FHIT: variants seen among roughly 807,000 people sequenced by gnomAD.
FHIT encodes bis(5'-adenosyl)-triphosphatase.
A neutral mutation model predicts 17.9 loss-of-function variants in FHIT; 19 were observed. The observed-to-expected ratio is 1.06, with a 90% CI of 0.74 to 1.56. The LOEUF is 1.56. Ranked by LOEUF, FHIT falls within the 40% of genes most tolerant of loss-of-function variation. The probability of loss-of-function intolerance (pLI) is 0.00; values close to 1 mark genes in which losing one functional copy is unlikely to be tolerated. For synonymous variants in FHIT, 81 were observed against 69.7 expected, an observed-to-expected ratio of 1.16 and a Z score of -0.81; for missense variants, 248 against 189.2, an observed-to-expected ratio of 1.31 and a Z score of -1.82.
chr3:61,114,325 G>A (rs1385259205), intron 2 of FHIT, among the ~76,000 whole-genome samples: 1 of 152,110 alleles, frequency 6.6e-6, no homozygotes, highest in Non-Finnish European at 1.5e-5. Context: ...CTGTTGTCTA[G>A]CATATAAAAA....
chr3:59,923,029 G>A (rs966016775), intron 7 of FHIT, among the ~76,000 whole-genome samples: 10 of 151,910 alleles, frequency 6.6e-5, no homozygotes, highest in African/African-American at 2.4e-4. Context: ...GGAGGCCGAG[G>A]TGGGCGGATC....
chr3:60,084,705 G>T (rs1344741117), intron 5 of FHIT, among the ~76,000 whole-genome samples: 1 of 152,124 alleles, frequency 6.6e-6, no homozygotes. Context: ...TAGGTGTTTG[G>T]TTCCTACCAT....
intron 4 of FHIT, among the ~76,000 whole-genome samples, chr3:60,765,255 G>A (rs73103570): frequency 0.037 from 5,596 of 152,272 alleles, 129 homozygotes; most frequent in South Asian, 0.066. Flanking sequence ...GAAATCTCAA[G>A]TGTCTTTCTA....
intron 5 of FHIT, among the ~76,000 whole-genome samples, chr3:60,382,445 C>T (rs367596997): frequency 9.2e-5 from 14 of 152,300 alleles, no homozygotes; most frequent in African/African-American, 2.6e-4. Flanking sequence ...GAATACGATC[C>T]GTAATCACAA....
At chr3:61,116,910 A>C (rs2036315188) in intron 2 of FHIT, among the ~76,000 whole-genome samples, 1 of 152,220 alleles carries the variant, frequency 6.6e-6, no homozygotes, top group South Asian at 2.1e-4. Context: ...ACTGAAAAAT[A>C]TCAGTGTGCA....
chr3:59,988,154 T>A (rs188427429), intron 7 of FHIT, among the ~76,000 whole-genome samples: 4 of 152,228 alleles, frequency 2.6e-5, no homozygotes, highest in Non-Finnish European at 5.9e-5. Context: ...TGAGAAATTC[T>A]CAGGCAGCCT....
chr3:60,357,823 A>T (rs1376536118), intron 5 of FHIT, among the ~76,000 whole-genome samples: 1 of 151,848 alleles, frequency 6.6e-6, no homozygotes, highest in East Asian at 1.9e-4. Context: ...TGGCCATCAT[A>T]GTCTTTGCAT....
intron 8 of FHIT, among the ~76,000 whole-genome samples, chr3:59,807,910 CTG>C (rs1194504405): frequency 6.6e-6 from 1 of 152,208 alleles, no homozygotes; most frequent in Non-Finnish European, 1.5e-5. Flanking sequence ...ATTTATATGT[CTG>C]TGGTGAAACA....
chr3:59,974,180 T>G (rs1708307958), intron 7 of FHIT, among the ~76,000 whole-genome samples: 1 of 152,088 alleles, frequency 6.6e-6, no homozygotes, highest in Non-Finnish European at 1.5e-5. Flanking sequence ...GCCTGTCTAT[T>G]AGGCCAAGTT....
chr3:61,162,843 A>G (rs1220224854), intron 2 of FHIT, among the ~76,000 whole-genome samples: 1 of 152,184 alleles, frequency 6.6e-6, no homozygotes, highest in Admixed American at 6.5e-5. Flanking sequence ...TCCATTTGTA[A>G]CATTCTTTTC....
At chr3:60,356,957 T>G (rs974029933) in intron 5 of FHIT, among the ~76,000 whole-genome samples, 1 of 152,096 alleles carries the variant, frequency 6.6e-6, no homozygotes, top group Non-Finnish European at 1.5e-5. Context: ...AAACAACTAG[T>G]GAAATCAGCA....
intron 5 of FHIT, among the ~76,000 whole-genome samples, chr3:60,457,677 A>G (rs2032193413): frequency 6.6e-6 from 1 of 151,552 alleles, no homozygotes. Context: ...TTTGCAATCT[A>G]CTCATCTGAC....
chr3:60,733,242 C>G (rs184047773), intron 4 of FHIT, among the ~76,000 whole-genome samples: 1 of 152,194 alleles, frequency 6.6e-6, no homozygotes, highest in East Asian at 1.9e-4. Flanking sequence ...CCATTTCTTG[C>G]CAACTAGGAA....
intron 3 of FHIT, among the ~76,000 whole-genome samples, chr3:60,947,367 G>A (rs7634868): frequency 0.25 from 38,071 of 151,894 alleles, 4,903 homozygotes; most frequent in Middle Eastern, 0.32. Flanking sequence ...TATGACTATC[G>A]CGTGTTTTCT....
chr3:60,895,626 T>G (rs1332526259), intron 3 of FHIT, among the ~76,000 whole-genome samples: 1 of 151,956 alleles, frequency 6.6e-6, no homozygotes, highest in East Asian at 1.9e-4. Flanking sequence ...ACAGCTGCCC[T>G]TTCTCCCTTC....
chr3:61,026,208 T>C (rs1157699848), intron 3 of FHIT, among the ~76,000 whole-genome samples: 2 of 152,208 alleles, frequency 1.3e-5, no homozygotes, highest in South Asian at 2.1e-4. Context: ...AGGAGAAATA[T>C]GGTAAAGGAG....
intron 5 of FHIT, among the ~76,000 whole-genome samples, chr3:60,098,969 T>C (rs1285999308): frequency 6.6e-6 from 1 of 152,154 alleles, no homozygotes; most frequent in Non-Finnish European, 1.5e-5. Flanking sequence ...CTTACACTTG[T>C]CCTAACTTCT....
At chr3:60,389,161 C>G (rs1195331266) in intron 5 of FHIT, among the ~76,000 whole-genome samples, 1 of 152,202 alleles carries the variant, frequency 6.6e-6, no homozygotes, top group African/African-American at 2.4e-5. Context: ...CTCTGCACCA[C>G]TTGGGAGTGT....
At chr3:60,823,137 A>G in intron 3 of FHIT, among the ~76,000 whole-genome samples, 1 of 152,200 alleles carries the variant, frequency 6.6e-6, no homozygotes, top group East Asian at 1.9e-4. Context: ...AGTGAACATA[A>G]TAGTCCAAGA....
Sources: gnomAD v4.1 joint callset for allele counts (sites outside exome capture counted in the v4.1 genomes callset) on GRCh38, gnomAD v4.1.1 for gene constraint, MANE v1.5 for transcripts, NCBI Gene and HGNC (gene_info 2026-07-23, HGNC 2026-07-21) for gene names.